SYT6: variants seen among roughly 807,000 people sequenced by gnomAD.
The protein encoded by SYT6 is synaptotagmin 6.
Under a neutral mutation model 38.4 loss-of-function variants are expected in SYT6, and 24 were observed. That is an observed-to-expected ratio of 0.62 (90% confidence interval 0.45 to 0.88). SYT6 has a LOEUF of 0.88. Among genes scored for constraint, SYT6 ranks in the 40% least tolerant of loss-of-function variants. SYT6 has a pLI of 0.00. For missense variants in SYT6, 611 were observed against 621.0 expected (o/e 0.98, Z 0.17); for synonymous variants, 265 against 241.9 (o/e 1.10, Z -0.89).
chr1:114,153,228 C>A (rs1679539317), intron 1 of SYT6, among the ~76,000 whole-genome samples: 1 of 152,218 alleles, frequency 6.6e-6, no homozygotes, highest in African/African-American at 2.4e-5. Context: ...CCCTATTCCT[C>A]AGCCGGGCGC....
intron 3 of SYT6, among the ~76,000 whole-genome samples, chr1:114,125,498 G>A (rs1407521530): frequency 6.6e-6 from 1 of 152,094 alleles, no homozygotes; most frequent in Non-Finnish European, 1.5e-5. Flanking sequence ...GAATGAGTAG[G>A]TGTCAATTCA....
intron 3 of SYT6, among the ~76,000 whole-genome samples, chr1:114,131,441 C>A (rs1372787773): frequency 1.3e-5 from 2 of 152,218 alleles, no homozygotes; most frequent in Non-Finnish European, 2.9e-5. Context: ...CTAGAGCAAT[C>A]TCATCTGACT....
At chr1:114,135,183 C>G (rs1245070232) in intron 3 of SYT6, among the ~76,000 whole-genome samples, 3 of 152,056 alleles carry the variant, frequency 2.0e-5, no homozygotes, top group African/African-American at 7.2e-5. Context: ...TGCACCTGGA[C>G]TCCCTCTGCA....
At chr1:114,123,453 T>C (rs931666611) in intron 3 of SYT6, among the ~76,000 whole-genome samples, 1 of 152,160 alleles carries the variant, frequency 6.6e-6, no homozygotes, top group Non-Finnish European at 1.5e-5. Flanking sequence ...CAAGGGGCTG[T>C]CCTCTCCCCT....
chr1:114,147,503 T>C (rs1010498695), intron 1 of SYT6, among the ~76,000 whole-genome samples: 1 of 152,176 alleles, frequency 6.6e-6, no homozygotes, highest in African/African-American at 2.4e-5. Context: ...AGCAGTCTCA[T>C]GGGAGAGAAA....
At chr1:114,122,739 T>C (rs188484766) in intron 3 of SYT6, among the ~76,000 whole-genome samples, 161 of 152,266 alleles carry the variant, frequency 1.1e-3, no homozygotes, top group African/African-American at 3.5e-3. Context: ...TGCACTTGGA[T>C]AGGATTCACT....
chr1:114,121,015 C>T (rs941086711), intron 3 of SYT6, among the ~76,000 whole-genome samples: 1 of 152,244 alleles, frequency 6.6e-6, no homozygotes, highest in Non-Finnish European at 1.5e-5. Flanking sequence ...CCGCCCTGCC[C>T]ACTGGGCAGC....
At chr1:114,133,484 T>C (rs581392) in intron 3 of SYT6, among the ~76,000 whole-genome samples, 65,687 of 152,028 alleles carry the variant, frequency 0.43, 15,373 homozygotes, top group South Asian at 0.63. Context: ...GGGCAGAAGA[T>C]GCTAGGAGGG....
intron 6 of SYT6, among the ~76,000 whole-genome samples, chr1:114,097,237 A>T (rs1431762303): frequency 6.6e-6 from 1 of 152,216 alleles, no homozygotes; most frequent in Non-Finnish European, 1.5e-5. Flanking sequence ...TTCCCCAACA[A>T]GGGCAAGAAC....
chr1:114,120,548 G>C (rs1677324810), intron 3 of SYT6, among the ~76,000 whole-genome samples: 1 of 152,124 alleles, frequency 6.6e-6, no homozygotes, highest in Admixed American at 6.5e-5. Context: ...CTATGAGCTA[G>C]CTAAATCTTT....
At chr1:114,128,610 G>A (rs1677892318) in intron 3 of SYT6, among the ~76,000 whole-genome samples, 1 of 152,174 alleles carries the variant, frequency 6.6e-6, no homozygotes, top group African/African-American at 2.4e-5. Flanking sequence ...CCCTTGTCAA[G>A]GCCGATGATA....
chr1:114,101,600 G>A (rs1009050765), intron 4 of SYT6, among the ~76,000 whole-genome samples: 16 of 152,166 alleles, frequency 1.1e-4, no homozygotes, highest in Non-Finnish European at 1.6e-4. Context: ...AAGATCCTGG[G>A]TTTTAGACAT....
At chr1:114,098,481 C>A (rs972665193) in intron 5 of SYT6, among the ~76,000 whole-genome samples, 5 of 152,044 alleles carry the variant, frequency 3.3e-5, no homozygotes, top group Non-Finnish European at 7.4e-5. Context: ...GATGGAAGAG[C>A]AGGATGAGTG....
At chr1:114,151,854 A>G (rs1679453382) in intron 1 of SYT6, among the ~76,000 whole-genome samples, 1 of 152,060 alleles carries the variant, frequency 6.6e-6, no homozygotes, top group South Asian at 2.1e-4. Flanking sequence ...GTTAGGCCTA[A>G]TGTGTTCTGC....
chr1:114,141,421 C>A (rs541066286), intron 1 of SYT6, among the ~76,000 whole-genome samples: 2 of 152,174 alleles, frequency 1.3e-5, no homozygotes, highest in Non-Finnish European at 2.9e-5. Context: ...CAAGACAGTA[C>A]CTTTCTTTCA....
intron 3 of SYT6, among the ~76,000 whole-genome samples, chr1:114,116,866 A>C (rs946326133): frequency 6.6e-6 from 1 of 152,160 alleles, no homozygotes; most frequent in Non-Finnish European, 1.5e-5. Flanking sequence ...CTATTACATC[A>C]TAATTTAGAG....
chr1:114,110,999 A>G (rs1009640971), intron 3 of SYT6, among the ~76,000 whole-genome samples: 1 of 152,198 alleles, frequency 6.6e-6, no homozygotes. Context: ...AAGCCCAATC[A>G]TATACAGCAG....
rs1675326740 is a variant in SYT6, at chr1:114,091,946, T to C, written c.*188A>G. ...GCCACTGCGACTGCACAACACTGTT[T>C]AGACGGTTGAACAAGTGCAAAGAGA... On this transcript the variant is annotated 3_prime_UTR_variant, in exon 8 of 8. Transcript: ENST00000610222. 3.3e-6 allele frequency: 5 copies of C among 1,505,700 alleles called. No individual in the cohort carries two copies. Among genetic ancestry groups the C allele is most frequent in the Non-Finnish European group, 3.6e-6 (4 of 1,119,368 alleles). The allele number at this position is 1,505,700 out of a possible 1,614,324, so 93.3% of individuals were successfully genotyped here.
At position 114,091,912 on chromosome 1, in the gene SYT6, G is replaced by C; in HGVS notation, c.*222C>G. ...GACTCTGGAGTGACGGACGGCTGCC[G>C]CTGCTGCCGCCACTGCGACTGCACA... On this transcript the variant is annotated 3_prime_UTR_variant, in exon 8 of 8. Transcript: ENST00000610222. The C allele has an allele frequency of 8.0e-7, 1 of 1,250,964 alleles. No homozygotes were observed. The highest frequency in any genetic ancestry group is 1.1e-6 in the Non-Finnish European group (1 of 896,376). The allele number at this position is 1,250,964 out of a possible 1,614,324, so 77.5% of individuals were successfully genotyped here.
Sources: gnomAD v4.1 joint callset for allele counts (sites outside exome capture counted in the v4.1 genomes callset) on GRCh38, gnomAD v4.1.1 for gene constraint, MANE v1.5 for transcripts, NCBI Gene and HGNC (gene_info 2026-07-23, HGNC 2026-07-21) for gene names.